The following PLOD2 variants were observed in gnomAD, a reference collection of about 807,000 sequenced individuals.
The protein encoded by PLOD2 is procollagen-lysine,2-oxoglutarate 5-dioxygenase 2.
PLOD2 carries 65 observed loss-of-function variants against 101.0 expected under a neutral mutation model. That is an observed-to-expected ratio of 0.64 (90% CI 0.53 to 0.79). The LOEUF (loss-of-function observed/expected upper bound fraction) is 0.79, where lower values mean the gene tolerates loss of function less well. Ranked by LOEUF, PLOD2 falls within the 30% of genes least tolerant of loss-of-function variation. PLOD2 has a pLI of 0.00. For missense variants in PLOD2, 909 were observed against 914.6 expected (o/e 0.99, Z 0.08); for synonymous variants, 314 against 302.9 (o/e 1.04, Z -0.38).
intron 7 of PLOD2, among the ~76,000 whole-genome samples, chr3:146,094,625 C>T (rs1937085034): frequency 6.6e-6 from 1 of 151,828 alleles, no homozygotes; most frequent in Non-Finnish European, 1.5e-5. Context: ...CTCATAATAA[C>T]GTGAAAATGG....
intron 2 of PLOD2, chr3:146,123,280 T>A (rs1241455787): frequency 8.5e-7 from 1 of 1,170,442 alleles, no homozygotes; most frequent in African/African-American, 1.7e-5. Flanking sequence ...TATCTCCTTG[T>A]TCTCCTCTTA....
At position 146,081,850 on chromosome 3, in the gene PLOD2, G is replaced by A. The variant is rs1200397783; in HGVS notation, c.1246C>T (p.Pro416Ser). The A allele has an allele frequency of 6.2e-7, 1 of 1,612,556 alleles. No homozygotes were observed. ...LIEQNRKIIAPLVTRHGKLWS... is the reference protein window; with the variant it reads ...LIEQNRKIIASLVTRHGKLWS... ...AGCTTTCCATGACGAGTTACAAGAG[G>A]AGCAATGATCTTTCTAAAGACAGAG... The change falls in exon 12 of 20, where the codon CCT (proline) becomes TCT (serine). Residue 416 changes from proline (P) to serine (S), a missense_variant. By Grantham distance (74) the Pro-to-Ser change is moderately conservative. Coordinates refer to ENST00000282903, the MANE Select transcript of PLOD2 (RefSeq NM_182943.3).
intron 14 of PLOD2, 45 bp from the exon 15 acceptor site, chr3:146,076,940 A>G (rs972653622): frequency 1.8e-5 from 25 of 1,403,880 alleles, no homozygotes; most frequent in Non-Finnish European, 2.5e-5. Flanking sequence ...GGTAGGTACA[A>G]AAGTAAATTT....
At chr3:146,096,220 G>A (rs1446612095) in intron 7 of PLOD2, among the ~76,000 whole-genome samples, 2 of 131,958 alleles carry the variant, frequency 1.5e-5, no homozygotes, top group East Asian at 2.3e-4. Flanking sequence ...GTGCAGTGGC[G>A]TGATCTCGGC....
chr3:146,160,951 C>A lies in PLOD2; in HGVS notation c.39G>T (p.Leu13=). Residue 13 remains leucine, a synonymous_variant, in exon 1 of 20, where the codon CTG becomes CTT. Coordinates refer to ENST00000282903, the MANE Select transcript of PLOD2 (RefSeq NM_182943.3). ...GCTVKPQLLL[L]ALVLHPWNPC... is the part of the protein sequence containing the mutation. ...GATTCCAGGGGTGGAGGACGAGCGC[C>A]AGGAGCAGCAGCTGAGGCTTCACCG... is the stretch of plus-strand genomic sequence containing the variant. 1 of 1,599,784 alleles carries A rather than the reference C, an allele frequency of 6.3e-7. No individual in the cohort carries two copies. The highest frequency in any genetic ancestry group is 8.5e-7 in the Non-Finnish European group (1 of 1,173,594).
At chr3:146,085,852 G>A (rs1936747330) in intron 10 of PLOD2, 2 of 152,516 alleles carry the variant, frequency 1.3e-5, no homozygotes, top group Non-Finnish European at 2.9e-5. Flanking sequence ...ACTTCCCTCT[G>A]GGCTCCCCTC....
chr3:146,130,852 C>A (rs2030866970), intron 1 of PLOD2, among the ~76,000 whole-genome samples: 1 of 152,132 alleles, frequency 6.6e-6, no homozygotes, highest in South Asian at 2.1e-4. Context: ...AGACTTCTAT[C>A]CTTAGAAAGA....
chr3:146,109,557 G>C (rs772283905), intron 4 of PLOD2, among the ~76,000 whole-genome samples: 6 of 152,150 alleles, frequency 3.9e-5, no homozygotes, highest in Non-Finnish European at 7.3e-5. Flanking sequence ...TTCCAATGTG[G>C]TTTGCAATTT....
chr3:146,134,751 G>T (rs1263419917), intron 1 of PLOD2, among the ~76,000 whole-genome samples: 1 of 152,212 alleles, frequency 6.6e-6, no homozygotes, highest in Non-Finnish European at 1.5e-5. Context: ...CTGCCAATTC[G>T]CATATGAATA....
chr3:146,135,514 T>C (rs986658800), intron 1 of PLOD2, among the ~76,000 whole-genome samples: 3 of 152,134 alleles, frequency 2.0e-5, no homozygotes, highest in Non-Finnish European at 4.4e-5. Flanking sequence ...CATTCTAGCA[T>C]TCACCGTGCC....
chr3:146,121,370 T>A (rs1200355434), intron 2 of PLOD2, 122 bp from the exon 3 acceptor site: 1 of 821,032 alleles, frequency 1.2e-6, no homozygotes, highest in Non-Finnish European at 2.1e-6. Context: ...TAATGTTTCA[T>A]GGAATCATGA....
chr3:146,157,578 G>A (rs1300686023), intron 1 of PLOD2, among the ~76,000 whole-genome samples: 1 of 152,168 alleles, frequency 6.6e-6, no homozygotes, highest in Non-Finnish European at 1.5e-5. Context: ...CAAAGACACT[G>A]TGCTTCCATC....
intron 9 of PLOD2, among the ~76,000 whole-genome samples, chr3:146,087,441 G>C (rs985786279): frequency 2.0e-5 from 3 of 151,616 alleles, no homozygotes; most frequent in African/African-American, 7.2e-5. Context: ...AACAAAAAAA[G>C]GAAAAATTTA....
At chr3:146,099,880 C>CTTT (rs5853264) in intron 7 of PLOD2, among the ~76,000 whole-genome samples, 12 of 129,266 alleles carry the variant, frequency 9.3e-5, no homozygotes, top group South Asian at 2.6e-4. Flanking sequence ...CAGTGACCAA[C>CTTT]TTTTTTTTTT....
intron 1 of PLOD2, among the ~76,000 whole-genome samples, chr3:146,146,729 G>A (rs1490590182): frequency 6.6e-6 from 1 of 152,198 alleles, no homozygotes; most frequent in Non-Finnish European, 1.5e-5. Context: ...TCCCCGCTGG[G>A]ACAGAGGTAG....
chr3:146,071,120 C>A lies in PLOD2; in HGVS notation c.2043G>T (p.Gln681His). 1 of 1,610,932 alleles carries A rather than the reference C, an allele frequency of 6.2e-7. No individual in the cohort carries two copies. The highest frequency in any genetic ancestry group is 8.5e-7 in the Non-Finnish European group (1 of 1,177,832). The change falls in exon 19 of 20, where the codon CAG (glutamine) becomes CAT (histidine). Residue 681 changes from glutamine to histidine, a missense_variant. By Grantham distance (24) the Gln-to-His change is conservative. Coordinates refer to ENST00000282903, the MANE Select transcript of PLOD2 (RefSeq NM_182943.3). ...NFVVKYSPERQRSLRPHHDAS... is the reference protein window; with the variant it reads ...NFVVKYSPERHRSLRPHHDAS... ...CATCATGATGAGGACGAAGAGAACGCTGTCGTTCAGGGGAGTATTTTACTA... is the reference window on the plus strand; with the variant it reads ...CATCATGATGAGGACGAAGAGAACGATGTCGTTCAGGGGAGTATTTTACTA...
At position 146,149,246 on chromosome 3, in the gene PLOD2, T is replaced by C. The variant is rs370752809; in HGVS notation, c.109+11635A>G. The stretch of plus-strand genomic sequence containing the variant: ...AATAGGACTCTTTTTCGAAAGAAGT[T>C]TCTACAAACCAAATATGCTTTTAAA... On this transcript the variant is annotated intron_variant, in intron 1 of 19. Transcript: ENST00000282903. 2.2e-4 allele frequency among the ~76,000 whole-genome samples: 33 copies of C among 152,344 alleles called. No individual in the cohort carries two copies. The East Asian group carries it at 4.6e-3, about 21-fold the overall frequency.
At chr3:146,135,530 G>C (rs533865690) in intron 1 of PLOD2, among the ~76,000 whole-genome samples, 1 of 152,094 alleles carries the variant, frequency 6.6e-6, no homozygotes, top group South Asian at 2.1e-4. Flanking sequence ...GTGCCAAGTT[G>C]GAGATCTAAA....
At chr3:146,083,803 G>C (rs568150614) in intron 11 of PLOD2, among the ~76,000 whole-genome samples, 1 of 151,758 alleles carries the variant, frequency 6.6e-6, no homozygotes, top group Admixed American at 6.6e-5. Flanking sequence ...GGATGATCTC[G>C]ATCTCCTGAC....
Sources: gnomAD v4.1 joint callset for allele counts (sites outside exome capture counted in the v4.1 genomes callset) on GRCh38, gnomAD v4.1.1 for gene constraint, MANE v1.5 for transcripts, NCBI Gene and HGNC (gene_info 2026-07-23, HGNC 2026-07-21) for gene names.